Variants in CPEB1 observed in about 807,000 individuals in gnomAD.
The protein encoded by CPEB1 is cytoplasmic polyadenylation element binding protein 1, also known as cytoplasmic polyadenylation element-binding protein 1.
CPEB1 carries 7 observed loss-of-function variants against 65.8 expected under a neutral mutation model. The observed-to-expected ratio is 0.11, with a 90% CI of 0.06 to 0.20. The LOEUF (loss-of-function observed/expected upper bound fraction) is 0.20, where lower values mean the gene tolerates loss of function less well. CPEB1 is among the 10% of genes least tolerant of loss of function. The probability of loss-of-function intolerance (pLI) is 1.00; values close to 1 mark genes in which losing one functional copy is unlikely to be tolerated. For synonymous variants in CPEB1, 262 were observed against 260.0 expected (o/e 1.01, Z -0.08); for missense variants, 551 against 712.2 (o/e 0.77, Z 2.58).
intron 3 of CPEB1, chr15:82,571,955 G>A (rs118064941): frequency 0.015 from 10,458 of 710,624 alleles, 85 homozygotes; most frequent in Non-Finnish European, 0.017. Context: ...GTGCAGTGCC[G>A]TTAAGTCTGG....
chr15:82,634,102 G>A (rs2046469257), intron 1 of CPEB1, among the ~76,000 whole-genome samples: 1 of 151,696 alleles, frequency 6.6e-6, no homozygotes, highest in Non-Finnish European at 1.5e-5. Context: ...TTATATCACT[G>A]TTACTCAGAG....
chr15:82,597,425 G>A (rs112348323), intron 3 of CPEB1, among the ~76,000 whole-genome samples: 3,480 of 152,278 alleles, frequency 0.023, 125 homozygotes, highest in African/African-American at 0.08. Context: ...TAAGCATTTC[G>A]TGGGGCAGGG....
At chr15:82,615,064 A>G (rs2044583257) in intron 3 of CPEB1, among the ~76,000 whole-genome samples, 1 of 152,198 alleles carries the variant, frequency 6.6e-6, no homozygotes, top group African/African-American at 2.4e-5. Context: ...CTATGTGTCT[A>G]AAGAGGAAAT....
chr15:82,646,867 G>A (rs1050260436), intron 1 of CPEB1, among the ~76,000 whole-genome samples: 1 of 152,138 alleles, frequency 6.6e-6, no homozygotes, highest in African/African-American at 2.4e-5. Context: ...CTCCAGGCGG[G>A]CACAGGCCCG....
intron 3 of CPEB1, among the ~76,000 whole-genome samples, chr15:82,594,241 A>AC (rs1328147708): frequency 6.6e-6 from 1 of 152,206 alleles, no homozygotes; most frequent in African/African-American, 2.4e-5. Context: ...TAGCCATCTT[A>AC]CCAATGATCT....
chr15:82,611,762 T>A (rs2044172504), intron 3 of CPEB1, among the ~76,000 whole-genome samples: 1 of 148,754 alleles, frequency 6.7e-6, no homozygotes, highest in Non-Finnish European at 1.5e-5. Context: ...TTCATCTCAA[T>A]AAGTTTAAAA....
At chr15:82,647,986 C>T (rs1469088358), upstream of CPEB1, 16 of 833,780 alleles carry the variant, frequency 1.9e-5, no homozygotes, top group East Asian at 4.5e-4. Context: ...CGCACCCCGG[C>T]AGCTTATGAA....
At chr15:82,640,324 G>A (rs1298676429) in intron 1 of CPEB1, among the ~76,000 whole-genome samples, 1 of 152,020 alleles carries the variant, frequency 6.6e-6, no homozygotes, top group African/African-American at 2.4e-5. Context: ...TAAAACTGCT[G>A]TGAATATTCT....
chr15:82,554,820 G>C (rs1399030184), intron 6 of CPEB1, among the ~76,000 whole-genome samples: 2 of 152,248 alleles, frequency 1.3e-5, no homozygotes, highest in Non-Finnish European at 2.9e-5. Flanking sequence ...TGTTGCTACA[G>C]CAAGAAACTG....
At chr15:82,555,598 G>A (rs1484233089) in intron 6 of CPEB1, among the ~76,000 whole-genome samples, 1 of 152,180 alleles carries the variant, frequency 6.6e-6, no homozygotes, top group Non-Finnish European at 1.5e-5. Context: ...TCCACGGAAC[G>A]GCACAAGTGA....
chr15:82,617,307 A>T (rs542964831), intron 3 of CPEB1, among the ~76,000 whole-genome samples: 1 of 152,236 alleles, frequency 6.6e-6, no homozygotes, highest in South Asian at 2.1e-4. Context: ...ATTGATGGAC[A>T]TCTGGGTTGT....
At chr15:82,648,112 G>C (rs2047732372), upstream of CPEB1, 1 of 363,396 alleles carries the variant, frequency 2.8e-6, no homozygotes, top group Non-Finnish European at 4.9e-6. Flanking sequence ...AGCAGGCCGA[G>C]CCGAGGAGGG....
chr15:82,554,889 TG>T (rs1161659419), intron 6 of CPEB1, among the ~76,000 whole-genome samples: 1 of 152,192 alleles, frequency 6.6e-6, no homozygotes, highest in Non-Finnish European at 1.5e-5. Context: ...TCCAAAAGCA[TG>T]GTAATGTCAT....
chr15:82,564,428 G>A (rs1190606920), intron 4 of CPEB1, among the ~76,000 whole-genome samples: 1 of 152,074 alleles, frequency 6.6e-6, no homozygotes, highest in African/African-American at 2.4e-5. Flanking sequence ...TGGGACTACA[G>A]GCACCTGCCA....
chr15:82,633,801 G>A (rs1341115267), intron 1 of CPEB1, among the ~76,000 whole-genome samples: 1 of 152,146 alleles, frequency 6.6e-6, no homozygotes, highest in African/African-American at 2.4e-5. Flanking sequence ...TGAGGGAAAT[G>A]GTCTGAAGAA....
intron 3 of CPEB1, among the ~76,000 whole-genome samples, chr15:82,595,275 C>A (rs1427804620): frequency 1.3e-5 from 2 of 152,222 alleles, no homozygotes; most frequent in East Asian, 1.9e-4. Flanking sequence ...GACACTGTTA[C>A]AAATGCCCAC....
chr15:82,572,832 GC>G (rs1567192527), intron 3 of CPEB1, among the ~76,000 whole-genome samples: 1 of 152,160 alleles, frequency 6.6e-6, no homozygotes, highest in Non-Finnish European at 1.5e-5. Flanking sequence ...TATTTCTGTG[GC>G]CACTCACAGC....
At chr15:82,566,699 CCT>C (rs142111587) in intron 4 of CPEB1, among the ~76,000 whole-genome samples, 2,789 of 152,196 alleles carry the variant, frequency 0.018, 34 homozygotes, top group Non-Finnish European at 0.027. Context: ...ACATCCTGCC[CCT>C]GTCACTAACC....
Position 82,555,861 on chromosome 15 carries a change from C to A in CPEB1, c.940+9G>T. On this transcript the variant is annotated intron_variant, in intron 6 of 12. Coordinates refer to ENST00000684509, the MANE Select transcript of CPEB1 (RefSeq NM_001365242.1). ...CCTCAGGCCTCACACATGCTCAAGG[C>A]ACACTCACCTGCAGCTTGTCGGTGC... 2 of 1,606,988 alleles carry A rather than the reference C, an allele frequency of 1.2e-6. No homozygotes were observed. The highest frequency in any genetic ancestry group is 8.5e-7 in the Non-Finnish European group (1 of 1,177,812).
Sources: gnomAD v4.1 joint callset for allele counts (sites outside exome capture counted in the v4.1 genomes callset) on GRCh38, gnomAD v4.1.1 for gene constraint, MANE v1.5 for transcripts, NCBI Gene and HGNC (gene_info 2026-07-23, HGNC 2026-07-21) for gene names.